FOXN3: variants seen among roughly 807,000 people sequenced by gnomAD.
The protein encoded by FOXN3 is forkhead box N3.
FOXN3 carries 7 observed loss-of-function variants against 38.4 expected under a neutral mutation model. The ratio of observed to expected loss-of-function variants is 0.18; its 90% confidence interval spans 0.10 to 0.34. The LOEUF (loss-of-function observed/expected upper bound fraction) is 0.34. FOXN3 is among the 10% of genes least tolerant of loss of function. The probability of loss-of-function intolerance (pLI) is 1.00; values close to 1 mark genes in which losing one functional copy is unlikely to be tolerated. For missense variants in FOXN3, 456 were observed against 613.4 expected, an observed-to-expected ratio of 0.74 and a Z score of 2.71; for synonymous variants, 230 against 242.2, an observed-to-expected ratio of 0.95 and a Z score of 0.47.
chr14:89,580,639 C>A (rs536680404), intron 1 of FOXN3, among the ~76,000 whole-genome samples: 1 of 152,338 alleles, frequency 6.6e-6, no homozygotes, highest in East Asian at 1.9e-4. Flanking sequence ...AGAATTGAGG[C>A]AGCTCTCCCT....
intron 1 of FOXN3, among the ~76,000 whole-genome samples, chr14:89,567,046 A>G (rs1035329763): frequency 1.3e-5 from 2 of 152,224 alleles, no homozygotes; most frequent in Non-Finnish European, 2.9e-5. Flanking sequence ...ACCCAAGGCT[A>G]CAAGTATATG....
chr14:89,242,935 G>C (rs970606788), intron 4 of FOXN3, among the ~76,000 whole-genome samples: 1 of 152,108 alleles, frequency 6.6e-6, no homozygotes, highest in African/African-American at 2.4e-5. Flanking sequence ...CATTAATCGG[G>C]GTGCTTATTT....
chr14:89,568,338 A>G (rs1250750065), intron 1 of FOXN3, among the ~76,000 whole-genome samples: 2 of 152,114 alleles, frequency 1.3e-5, no homozygotes, highest in Admixed American at 6.5e-5. Flanking sequence ...AAACCTGACC[A>G]TGCCACTCTC....
chr14:89,192,778 A>G (rs1319032468), intron 4 of FOXN3, among the ~76,000 whole-genome samples: 2 of 146,868 alleles, frequency 1.4e-5, no homozygotes, highest in African/African-American at 4.9e-5. Context: ...TTATTAGTTG[A>G]ATTTTATATA....
intron 3 of FOXN3, among the ~76,000 whole-genome samples, chr14:89,316,469 C>T (rs1887721394): frequency 6.6e-6 from 1 of 151,888 alleles, no homozygotes; most frequent in Non-Finnish European, 1.5e-5. Context: ...AATCCTCCTA[C>T]CTCAGTCTCC....
chr14:89,405,092 C>T (rs930064907), intron 2 of FOXN3, among the ~76,000 whole-genome samples: 6 of 152,112 alleles, frequency 3.9e-5, no homozygotes, highest in African/African-American at 1.2e-4. Flanking sequence ...CAACTGCTCA[C>T]GTGGGGTGCT....
intron 2 of FOXN3, among the ~76,000 whole-genome samples, chr14:89,380,874 G>T (rs1395790851): frequency 4.6e-5 from 7 of 152,236 alleles, no homozygotes; most frequent in South Asian, 4.1e-4. Flanking sequence ...AGGCGTGGTG[G>T]CTCATGCCTA....
At chr14:89,252,307 C>T (rs10135852) in intron 4 of FOXN3, among the ~76,000 whole-genome samples, 21,749 of 152,092 alleles carry the variant, frequency 0.14, 2,464 homozygotes, top group African/African-American at 0.31. Flanking sequence ...ATGGGTTTTT[C>T]GTTGCTGTTG....
chr14:89,381,532 CAAAAAAAAAA>C (rs71897384), intron 2 of FOXN3, among the ~76,000 whole-genome samples: 11 of 75,938 alleles, frequency 1.4e-4, no homozygotes, highest in Non-Finnish European at 1.9e-4. Flanking sequence ...CCTCAAAAAG[CAAAAAAAAAA>C]AAAAAAAAAA....
intron 4 of FOXN3, among the ~76,000 whole-genome samples, chr14:89,193,511 G>T (rs1016911647): frequency 6.6e-6 from 1 of 152,094 alleles, no homozygotes; most frequent in Non-Finnish European, 1.5e-5. Context: ...GATCTGTAGA[G>T]CATCCACCTA....
intron 4 of FOXN3, among the ~76,000 whole-genome samples, chr14:89,241,606 T>G (rs1009637140): frequency 5.9e-5 from 9 of 152,226 alleles, no homozygotes; most frequent in African/African-American, 1.9e-4. Flanking sequence ...GCTGGTTCTG[T>G]GGAAACAGTA....
rs116603264 is a variant in FOXN3 at position 89,198,019 on chromosome 14, T to C, written c.746-17213A>G. 7.7e-3 allele frequency among the ~76,000 whole-genome samples: 1,174 copies of C among 152,206 alleles called. 18 individuals carry two copies. Among genetic ancestry groups the C allele is most frequent in the African/African-American group, 0.027 (1,125 of 41,532 alleles). ...TTAACCCCCTACAATGAAGAAAAAA[T>C]ACAGTCAGCCCTCCATACCCATGGG... On this transcript the variant is annotated intron_variant, in intron 4 of 5. Coordinates refer to ENST00000557258, the MANE Select transcript of FOXN3 (RefSeq NM_005197.4).
intron 4 of FOXN3, among the ~76,000 whole-genome samples, chr14:89,203,649 G>A (rs1018007639): frequency 3.3e-5 from 5 of 152,210 alleles, no homozygotes; most frequent in African/African-American, 1.2e-4. Flanking sequence ...TCAGATCACA[G>A]CATGTGCATG....
chr14:89,290,726 C>T, intron 3 of FOXN3: 3 of 351,104 alleles, frequency 8.5e-6, no homozygotes, highest in South Asian at 5.0e-5. Context: ...ACGTACTTTG[C>T]CCTCCGTGAG....
chr14:89,515,640 G>A (rs990996216), intron 1 of FOXN3, among the ~76,000 whole-genome samples: 9 of 152,174 alleles, frequency 5.9e-5, no homozygotes, highest in South Asian at 2.1e-4. Flanking sequence ...GGAGGCTGAG[G>A]CAGGAGAATC....
At chr14:89,459,413 C>T (rs1160510958) in intron 1 of FOXN3, among the ~76,000 whole-genome samples, 1 of 152,100 alleles carries the variant, frequency 6.6e-6, no homozygotes, top group African/African-American at 2.4e-5. Flanking sequence ...GGAACAGGGA[C>T]AGCACATTAG....
intron 1 of FOXN3, among the ~76,000 whole-genome samples, chr14:89,610,919 TG>T (rs1217657612): frequency 1.3e-5 from 2 of 152,252 alleles, no homozygotes; most frequent in South Asian, 4.1e-4. Context: ...AAATCAGACC[TG>T]TGAAATATTA....
intron 4 of FOXN3, chr14:89,263,939 G>C (rs1465411079): frequency 6.6e-6 from 1 of 152,376 alleles, no homozygotes; most frequent in African/African-American, 2.4e-5. Context: ...TGCAGTCCCA[G>C]CTACTTGGGA....
intron 1 of FOXN3, among the ~76,000 whole-genome samples, chr14:89,413,195 C>G (rs1891588449): frequency 6.6e-6 from 1 of 152,134 alleles, no homozygotes. Flanking sequence ...CCTCCAGCAC[C>G]CAACGTAACA....
Sources: allele counts gnomAD v4.1 joint callset (sites outside exome capture counted in the v4.1 genomes callset), GRCh38; gene constraint gnomAD v4.1.1; transcripts MANE v1.5; gene names NCBI Gene and HGNC (gene_info 2026-07-23, HGNC 2026-07-21).